IAH1: variants seen among roughly 807,000 people sequenced by gnomAD.
The protein encoded by IAH1 is isoamyl acetate-hydrolyzing esterase 1 homolog.
In IAH1, 24 loss-of-function variants were observed where a neutral mutation model predicts 26.7. The observed-to-expected ratio is 0.90, with a 90% CI of 0.65 to 1.26. IAH1 has a LOEUF of 1.26. IAH1 is among the 50% of genes most tolerant of loss of function. The pLI is 0.00. For missense variants in IAH1, 300 were observed against 299.9 expected (o/e 1.00, Z 0.00); for synonymous variants, 140 against 118.5 (o/e 1.18, Z -1.18).
chr2:9,508,153 T>C, the IAH1 span, among the ~76,000 whole-genome samples: 3 of 152,196 alleles, frequency 2.0e-5, no homozygotes, highest in Non-Finnish European at 4.4e-5. Context: ...CCAAGAAGCA[T>C]ATGACCTATT....
At chr2:9,498,221 C>T (rs879468647), downstream of IAH1, among the ~76,000 whole-genome samples, 32 of 152,010 alleles carry the variant, frequency 2.1e-4, no homozygotes, top group Non-Finnish European at 4.1e-4. Flanking sequence ...TTTTGAGAGA[C>T]GAGATCTCCC....
At chr2:9,485,853 C>T (rs4319913) in intron 5 of IAH1, 88,421 of 152,042 alleles carry the variant, frequency 0.58, 27,061 homozygotes, top group African/African-American at 0.71. Context: ...TTAAAGGCTA[C>T]TTCATTGCTA....
the IAH1 span, among the ~76,000 whole-genome samples, chr2:9,504,699 T>C: frequency 2.0e-5 from 3 of 149,188 alleles, no homozygotes; most frequent in African/African-American, 7.5e-5. Context: ...GAGACAAAGA[T>C]TGCAGTAAGC....
In IAH1 at chr2:9,474,603, C is replaced by G. The variant is rs1230582676; in HGVS notation, c.37C>G (p.Leu13Val). ...CGAGGCCGCGGGCTGCGGGAGTGCC[C>G]TGCTCTGGCCTCGCTTGTTGCTCTT... ...LCEAAGCGSA[L>V]LWPRLLLFGD... The change falls in exon 1 of 6, where the codon CTG becomes GTG. Residue 13 changes from leucine (L) to valine (V), a missense_variant. Physicochemically the swap from Leu to Val is conservative, Grantham distance 32. Transcript: ENST00000497473. This position sits in a 1 kb window ranked among gnomAD's most constrained non-coding sequence, Gnocchi z 4.3. 1.9e-6 allele frequency: 3 copies of G among 1,547,528 alleles called. No individual in the cohort carries two copies. Among genetic ancestry groups the G allele is most frequent in the Non-Finnish European group, 1.7e-6 (2 of 1,151,166 alleles).
At position 9,488,284 on chromosome 2, in the gene IAH1, A is replaced by G. The variant is rs1572861268; in HGVS notation, c.702A>G (p.Ala234=). Residue 234 remains alanine, a synonymous_variant, in exon 6 of 6, where the codon GCA becomes GCG. Transcript: ENST00000497473. ...TGCTTCCTTACTGGCGGGATGTAGC[A>G]GAAGCAAAACCTGAATTAAGTCTGC... is the stretch of plus-strand genomic sequence containing the variant. The part of the protein sequence containing the change: ...PLLLPYWRDV[A]EAKPELSLLG... 2 of 1,612,790 alleles carry G rather than the reference A, an allele frequency of 1.2e-6. No homozygotes were observed. Among genetic ancestry groups the G allele is most frequent in the Middle Eastern group, 1.7e-4 (1 of 6,054 alleles).
In IAH1 at chr2:9,474,729, C is replaced by G. The variant is rs1386729212; in HGVS notation, c.81+82C>G. On this transcript the variant is annotated intron_variant, in intron 1 of 5. Transcript: ENST00000497473. The surrounding 1 kb of genome is among the most constrained non-coding windows in gnomAD (Gnocchi z 4.3). Reference sequence around the variant, plus strand: ...GAGCAGGCCGAGGCTCCTCGCCGTCCTCTTCGGCGCCCGAGACGGCTGGGC... The same window carrying G: ...GAGCAGGCCGAGGCTCCTCGCCGTCGTCTTCGGCGCCCGAGACGGCTGGGC... 1.2e-5 allele frequency: 13 copies of G among 1,080,882 alleles called. No homozygotes were observed. Among genetic ancestry groups the G allele is most frequent in the Non-Finnish European group, 1.2e-5 (9 of 778,338 alleles). The allele number at this position is 1,080,882 out of a possible 1,614,324, so 67.0% of individuals were successfully genotyped here.
chr2:9,491,209 T>TAC, downstream of IAH1: 1 of 1,503,250 alleles, frequency 6.7e-7, no homozygotes, highest in Middle Eastern at 1.7e-4. Context: ...TAGTGAGTAC[T>TAC]ATTTCATCAC....
the IAH1 span, among the ~76,000 whole-genome samples, chr2:9,503,340 C>T: frequency 6.6e-6 from 1 of 152,124 alleles, no homozygotes; most frequent in African/African-American, 2.4e-5. Context: ...ACTGGTCTAT[C>T]AGTGTATATA....
intron 2 of IAH1, among the ~76,000 whole-genome samples, chr2:9,477,564 A>G (rs969790399): frequency 3.3e-5 from 5 of 151,986 alleles, no homozygotes. Flanking sequence ...CGAATCCTTA[A>G]CTGGGATTCT....
At chr2:9,498,709 T>A (rs188797705), downstream of IAH1, among the ~76,000 whole-genome samples, 178 of 152,316 alleles carry the variant, frequency 1.2e-3, 2 homozygotes, top group African/African-American at 4.1e-3. Flanking sequence ...CAACAGTCAT[T>A]TAACAAACTA....
the IAH1 span, among the ~76,000 whole-genome samples, chr2:9,510,887 A>G: frequency 4.6e-5 from 7 of 152,238 alleles, no homozygotes; most frequent in African/African-American, 1.2e-4. Flanking sequence ...AATTTAACAG[A>G]ATAAGTAGGA....
the IAH1 span, among the ~76,000 whole-genome samples, chr2:9,509,676 G>A: frequency 6.6e-6 from 1 of 152,082 alleles, no homozygotes; most frequent in Non-Finnish European, 1.5e-5. Flanking sequence ...TTAACATAAA[G>A]CCTGAGCCCA....
At chr2:9,499,270 TTTAC>T (rs1662849738), downstream of IAH1, among the ~76,000 whole-genome samples, 1 of 152,162 alleles carries the variant, frequency 6.6e-6, no homozygotes, top group Admixed American at 6.5e-5. Flanking sequence ...TTCAAATTGT[TTTAC>T]TTACGTTTAT....
At chr2:9,481,202 CAG>C in intron 3 of IAH1, 82 bp from the exon 4 acceptor site, 1 of 1,416,686 alleles carries the variant, frequency 7.1e-7, no homozygotes, top group Middle Eastern at 1.8e-4. Context: ...TCATGAATAA[CAG>C]GCATTTGCAG....
intron 2 of IAH1, 75 bp from the exon 3 acceptor site, chr2:9,478,147 C>T: frequency 7.3e-7 from 1 of 1,361,710 alleles, no homozygotes; most frequent in Non-Finnish European, 1.0e-6. Flanking sequence ...AGAGCACACC[C>T]TCACTAAAGG....
chr2:9,509,219 C>CT, the IAH1 span, among the ~76,000 whole-genome samples: 1 of 152,214 alleles, frequency 6.6e-6, no homozygotes, highest in African/African-American at 2.4e-5. Context: ...CACCGACCCT[C>CT]TTTAACTCAG....
chr2:9,493,101 T>G, downstream of IAH1: 1 of 794,140 alleles, frequency 1.3e-6, no homozygotes, highest in Non-Finnish European at 2.0e-6. Flanking sequence ...CTAGACATAC[T>G]ACCGAGAGCA....
chr2:9,484,462 T>C lies in IAH1; in HGVS notation c.476T>C (p.Val159Ala), dbSNP rs757485702. 4 of 1,614,214 alleles carry C rather than the reference T, an allele frequency of 2.5e-6. No homozygotes were observed. Among genetic ancestry groups the C allele is most frequent in the Non-Finnish European group, 3.4e-6 (4 of 1,180,028 alleles). ...AAACTAAATCGCCTGAACTCTGTTG[T>C]TGGTGAATATGCCAATGCGTGTTTA... ...GCKLNRLNSV[V>A]GEYANACLQV... Residue 159 changes from valine to alanine, a missense_variant, in exon 5 of 6, where the codon GTT (valine) becomes GCT (alanine). Val to Ala is a moderately conservative substitution (Grantham distance 64). Transcript: ENST00000497473.
At chr2:9,500,783 G>A (rs1385645610), downstream of IAH1, among the ~76,000 whole-genome samples, 5 of 152,136 alleles carry the variant, frequency 3.3e-5, no homozygotes, top group African/African-American at 7.2e-5. Flanking sequence ...AGATATGTCC[G>A]TTTATATACC....
Sources: gnomAD v4.1 joint callset for allele counts (sites outside exome capture counted in the v4.1 genomes callset) on GRCh38, gnomAD v4.1.1 for gene constraint, Gnocchi (gnomAD v3.1) non-coding constraint, MANE v1.5 for transcripts, NCBI Gene and HGNC (gene_info 2026-07-23, HGNC 2026-07-21) for gene names.